The following CPA6 variants were observed in gnomAD, a reference collection of about 807,000 sequenced individuals.
The protein encoded by CPA6 is carboxypeptidase B.
CPA6 carries 58 observed loss-of-function variants against 63.3 expected under a neutral mutation model. The observed-to-expected ratio is 0.92, with a 90% CI of 0.74 to 1.14. CPA6 has a LOEUF of 1.14. Ranked by LOEUF, CPA6 falls within the 50% of genes most tolerant of loss-of-function variation. The probability of loss-of-function intolerance (pLI) is 0.00; values close to 1 mark genes in which losing one functional copy is unlikely to be tolerated. For synonymous variants in CPA6, 185 were observed against 179.0 expected (o/e 1.03, Z -0.27); for missense variants, 565 against 526.6 (o/e 1.07, Z -0.71).
chr8:67,531,060 G>T (rs990301517), intron 2 of CPA6, among the ~76,000 whole-genome samples: 5 of 152,002 alleles, frequency 3.3e-5, no homozygotes, highest in African/African-American at 1.2e-4. Flanking sequence ...CTAGTTTTAT[G>T]GTATCTTAAA....
intron 2 of CPA6, among the ~76,000 whole-genome samples, chr8:67,606,619 G>C (rs192575784): frequency 6.6e-6 from 1 of 152,186 alleles, no homozygotes; most frequent in African/African-American, 2.4e-5. Context: ...GAATGCAGAG[G>C]TGTGCGATCA....
At chr8:67,619,677 A>G (rs570511771) in intron 2 of CPA6, among the ~76,000 whole-genome samples, 1 of 152,340 alleles carries the variant, frequency 6.6e-6, no homozygotes, top group South Asian at 2.1e-4. Flanking sequence ...CTTGAATTCC[A>G]GCAGAATAGC....
At chr8:67,654,033 C>A (rs908694897) in intron 1 of CPA6, among the ~76,000 whole-genome samples, 3 of 152,002 alleles carry the variant, frequency 2.0e-5, no homozygotes, top group African/African-American at 7.3e-5. Flanking sequence ...TGTTTATATG[C>A]TGGATTACAT....
intron 6 of CPA6, among the ~76,000 whole-genome samples, chr8:67,493,192 A>T (rs953455650): frequency 2.0e-5 from 3 of 152,148 alleles, no homozygotes; most frequent in Non-Finnish European, 4.4e-5. Flanking sequence ...TTTGGCACAT[A>T]CATGCAATTT....
At chr8:67,681,403 G>GT (rs1316855658) in intron 1 of CPA6, among the ~76,000 whole-genome samples, 10 of 150,504 alleles carry the variant, frequency 6.6e-5, no homozygotes, top group African/African-American at 2.5e-4. Flanking sequence ...TAGAGACGGG[G>GT]TTTCACCTTG....
intron 1 of CPA6, among the ~76,000 whole-genome samples, chr8:67,649,805 G>C (rs1587669407): frequency 6.6e-6 from 1 of 152,194 alleles, no homozygotes; most frequent in Non-Finnish European, 1.5e-5. Context: ...TTTAAGCTCA[G>C]TCTGACCAAA....
At chr8:67,621,932 G>A (rs1378013026) in intron 2 of CPA6, among the ~76,000 whole-genome samples, 1 of 152,154 alleles carries the variant, frequency 6.6e-6, no homozygotes, top group Non-Finnish European at 1.5e-5. Context: ...GTAAATGTGT[G>A]GTCATCAGTG....
chr8:67,439,570 C>T (rs1810241171), intron 8 of CPA6, among the ~76,000 whole-genome samples: 1 of 140,916 alleles, frequency 7.1e-6, no homozygotes, highest in Non-Finnish European at 1.5e-5. Context: ...GCCTGGGTGA[C>T]AAGAGCAAGA....
chr8:67,730,755 A>G (rs955414624), intron 1 of CPA6, among the ~76,000 whole-genome samples: 22 of 152,236 alleles, frequency 1.4e-4, no homozygotes, highest in Admixed American at 1.3e-4. Flanking sequence ...TGTTTCTACT[A>G]TAAGAATATC....
intron 2 of CPA6, among the ~76,000 whole-genome samples, chr8:67,543,818 G>A (rs1812758475): frequency 6.9e-6 from 1 of 144,174 alleles, no homozygotes; most frequent in African/African-American, 2.5e-5. Context: ...GGGTCTTGCT[G>A]TGTTGCCCAG....
chr8:67,548,056 CTTTTCTTTTCTTTT>C (rs1301513175), intron 2 of CPA6, among the ~76,000 whole-genome samples: 5 of 151,920 alleles, frequency 3.3e-5, no homozygotes, highest in African/African-American at 7.3e-5. Context: ...GGGAACTTCA[CTTTTCTTTTCTTTT>C]TTTTCTTTTC....
intron 1 of CPA6, among the ~76,000 whole-genome samples, chr8:67,649,802 T>G (rs1387316230): frequency 6.6e-6 from 1 of 152,124 alleles, no homozygotes; most frequent in Non-Finnish European, 1.5e-5. Context: ...AAATTTAAGC[T>G]CAGTCTGACC....
At chr8:67,570,511 AC>A (rs1281382303) in intron 2 of CPA6, among the ~76,000 whole-genome samples, 1 of 152,212 alleles carries the variant, frequency 6.6e-6, no homozygotes, top group African/African-American at 2.4e-5. Flanking sequence ...AAAATAAATT[AC>A]CAAGGGATAC....
intron 1 of CPA6, among the ~76,000 whole-genome samples, chr8:67,722,069 A>G (rs1817511629): frequency 6.6e-6 from 1 of 152,232 alleles, no homozygotes. Flanking sequence ...TTCTCTGCTC[A>G]TAAATCTTGG....
intron 1 of CPA6, among the ~76,000 whole-genome samples, chr8:67,665,311 C>G (rs530960451): frequency 6.6e-6 from 1 of 152,170 alleles, no homozygotes; most frequent in Non-Finnish European, 1.5e-5. Context: ...TAGGACCTTG[C>G]GTGACCGAGT....
At chr8:67,506,942 A>C in intron 5 of CPA6, 54 bp from the exon 6 acceptor site, 1 of 1,222,546 alleles carries the variant, frequency 8.2e-7, no homozygotes. Context: ...TTCACTGACC[A>C]GCATAATTTA....
intron 1 of CPA6, among the ~76,000 whole-genome samples, chr8:67,734,736 C>T (rs1817781411): frequency 6.6e-6 from 1 of 152,152 alleles, no homozygotes; most frequent in African/African-American, 2.4e-5. Flanking sequence ...ATCAGACATC[C>T]CATCACATCA....
chr8:67,456,120 C>G (rs547200733), intron 8 of CPA6, among the ~76,000 whole-genome samples: 19 of 152,310 alleles, frequency 1.2e-4, no homozygotes, highest in African/African-American at 4.3e-4. Flanking sequence ...TGCTTAGATT[C>G]TGTCCTAAAG....
chr8:67,711,804 A>G (rs377115003), intron 1 of CPA6, among the ~76,000 whole-genome samples: 1 of 152,022 alleles, frequency 6.6e-6, no homozygotes, highest in African/African-American at 2.4e-5. Context: ...GCCATTCAGC[A>G]TTGTAAGTTT....
Sources: gnomAD v4.1 joint callset for allele counts (sites outside exome capture counted in the v4.1 genomes callset) on GRCh38, gnomAD v4.1.1 for gene constraint, MANE v1.5 for transcripts, NCBI Gene and HGNC (gene_info 2026-07-23, HGNC 2026-07-21) for gene names.